The following SLC25A43 variants were observed in gnomAD, a reference collection of about 807,000 sequenced individuals.
SLC25A43 encodes the protein solute carrier family 25 member 43, also known as solute carrier family 25, member 43.
SLC25A43 carries 10 observed loss-of-function variants against 22.8 expected under a neutral mutation model. The observed-to-expected ratio is 0.44, with a 90% CI of 0.27 to 0.74. The LOEUF (loss-of-function observed/expected upper bound fraction) is 0.74, where lower values mean the gene tolerates loss of function less well. Among genes scored for constraint, SLC25A43 ranks in the 30% least tolerant of loss-of-function variants. The pLI, the probability that SLC25A43 is intolerant of heterozygous loss-of-function variation, is 0.17. For synonymous variants in SLC25A43, 106 were observed against 121.6 expected, an observed-to-expected ratio of 0.87 and a Z score of 0.84; for missense variants, 233 against 279.1, an observed-to-expected ratio of 0.83 and a Z score of 1.18.
At chrX:119,410,926 A>AT (rs981037536) in intron 3 of SLC25A43, among the ~76,000 whole-genome samples, 3 of 110,759 alleles carry the variant, frequency 2.7e-5, no homozygotes, top group African/African-American at 9.8e-5. Context: ...AAGAAAAAAA[A>AT]GAAGCCTCCA....
Position 119,410,313 on chromosome X carries a change from T to C in SLC25A43, c.641T>C (p.Val214Ala). 8.3e-7 allele frequency: 1 copy of C among 1,211,161 alleles called. No individual in the cohort carries two copies. Among genetic ancestry groups the C allele is most frequent in the Non-Finnish European group, 1.1e-6 (1 of 895,266 alleles). Residue 214 changes from valine (V) to alanine (A), a missense_variant, in exon 3 of 5, where the codon GTG becomes GCG. Coordinates refer to ENST00000217909, the MANE Select transcript of SLC25A43 (RefSeq NM_145305.3). ...GCTAATGTCTGTCTGGCTGCTGCAG[T>C]GACCCAGACCCTCTCCTTTCCCTTT... Reference protein sequence around the residue: ...NFANVCLAAAVTQTLSFPFET... With the variant: ...NFANVCLAAAATQTLSFPFET...
At chrX:119,435,360 G>T (rs1221817627) in intron 3 of SLC25A43, among the ~76,000 whole-genome samples, 2 of 109,000 alleles carry the variant, frequency 1.8e-5, no homozygotes, top group African/African-American at 6.7e-5. Context: ...CTACAATTCA[G>T]CCCTTTTTTA....
chrX:119,442,004 C>T (rs1311087576), intron 3 of SLC25A43, among the ~76,000 whole-genome samples: 6 of 111,378 alleles, frequency 5.4e-5, no homozygotes, highest in Admixed American at 9.6e-5. Flanking sequence ...GCAGGAGAAT[C>T]GCTTGAACCC....
rs764147639 is a variant in SLC25A43 at position 119,452,870 on chromosome X, T to A, written c.831T>A (p.Val277=). ...TTCATTTTTGGTTTTAACAGATAGT[T>A]CCATATTTTGGAATTATGTTTAGCA... ...NGLTANLLKI[V]PYFGIMFSTF... is the part of the protein sequence containing the mutation. Residue 277 remains valine (V), a synonymous_variant, in exon 5 of 5, where the codon GTT becomes GTA. Coordinates refer to ENST00000217909, the MANE Select transcript of SLC25A43 (RefSeq NM_145305.3). The A allele has an allele frequency of 2.3e-5, 28 of 1,204,919 alleles. No individual in the cohort carries two copies. Among genetic ancestry groups the A allele is most frequent in the Non-Finnish European group, 3.0e-5 (27 of 892,006 alleles).
intron 3 of SLC25A43, among the ~76,000 whole-genome samples, chrX:119,425,824 T>G (rs192293448): frequency 5.4e-5 from 6 of 110,440 alleles, no homozygotes; most frequent in African/African-American, 2.0e-4. Context: ...ACAAGACTTG[T>G]CCCTAGAGGG....
At chrX:119,443,748 TTA>T (rs2052643153) in intron 3 of SLC25A43, among the ~76,000 whole-genome samples, 1 of 106,951 alleles carries the variant, frequency 9.4e-6, no homozygotes, top group Non-Finnish European at 1.9e-5. Flanking sequence ...ATTTATTTAT[TTA>T]TTTTTATTTT....
chrX:119,404,287 C>T (rs768192852), intron 1 of SLC25A43, among the ~76,000 whole-genome samples: 4 of 112,051 alleles, frequency 3.6e-5, no homozygotes, highest in East Asian at 2.8e-4. Context: ...AGGCATGAGA[C>T]GCCATGCCTA....
rs1309330270 is a variant in SLC25A43, at chrX:119,399,571, G to A, written c.168G>A (p.Gly56=). The A allele has an allele frequency of 3.8e-6, 4 of 1,046,842 alleles. No homozygotes were observed. Among genetic ancestry groups the A allele is most frequent in the Admixed American group, 4.2e-5 (1 of 23,973 alleles). 86.3% of individuals were successfully genotyped at this position (1,046,842 alleles called of 1,213,427 possible). A position where few individuals can be genotyped will look rare whatever the true frequency, so the allele number is the denominator to read the frequency against. The change falls in exon 1 of 5, where the codon GGG becomes GGA. Residue 56 remains glycine (G), a synonymous_variant. Coordinates refer to ENST00000217909, the MANE Select transcript of SLC25A43 (RefSeq NM_145305.3). ...ACGCCCGGGGACCGTGGGCCACAGG[G>A]CACCGGGTGTGGCGGGCAGAGGGGC... ...RGHARGPWAT[G]HRVWRAEGLR... is the part of the protein sequence containing the mutation.
chrX:119,428,620 T>G (rs940387204), intron 3 of SLC25A43, among the ~76,000 whole-genome samples: 10 of 112,491 alleles, frequency 8.9e-5, no homozygotes, highest in Non-Finnish European at 1.7e-4. Context: ...GTACTAACAA[T>G]GCTGTAACAA....
At chrX:119,418,411 A>G (rs936720178) in intron 3 of SLC25A43, among the ~76,000 whole-genome samples, 5 of 111,988 alleles carry the variant, frequency 4.5e-5, no homozygotes, top group Non-Finnish European at 9.4e-5. Context: ...ACTGCCTGTC[A>G]TGAAGCAAAT....
At chrX:119,443,230 A>C (rs1170546867) in intron 3 of SLC25A43, among the ~76,000 whole-genome samples, 1 of 97,544 alleles carries the variant, frequency 1.0e-5, no homozygotes. Flanking sequence ...AGCGATTCTC[A>C]TGCCTCAGCC....
At chrX:119,442,047 G>A (rs1357499493) in intron 3 of SLC25A43, among the ~76,000 whole-genome samples, 1 of 110,889 alleles carries the variant, frequency 9.0e-6, no homozygotes, top group Non-Finnish European at 1.9e-5. Flanking sequence ...CCGAGATTGC[G>A]CCGCTGCACT....
chrX:119,410,760 G>T (rs2052343123), intron 3 of SLC25A43, among the ~76,000 whole-genome samples: 1 of 110,718 alleles, frequency 9.0e-6, no homozygotes, highest in Admixed American at 9.6e-5. Flanking sequence ...GTGGTGGCAG[G>T]CGCCTGTAAT....
chrX:119,407,251 G>A (rs1038543400), intron 2 of SLC25A43, among the ~76,000 whole-genome samples: 30 of 110,924 alleles, frequency 2.7e-4, no homozygotes, highest in African/African-American at 9.5e-4. Flanking sequence ...TGACTTATCC[G>A]GCCCATCTGG....
intron 3 of SLC25A43, among the ~76,000 whole-genome samples, chrX:119,435,457 CTTTTTTT>C (rs1175233726): frequency 0.035 from 1,924 of 54,626 alleles, 63 homozygotes; most frequent in African/African-American, 0.12. Context: ...AGATTTTATT[CTTTTTTT>C]TTTTTTTTTT....
At chrX:119,422,226 T>C (rs2052461184) in intron 3 of SLC25A43, among the ~76,000 whole-genome samples, 1 of 112,286 alleles carries the variant, frequency 8.9e-6, no homozygotes, top group African/African-American at 3.2e-5. Context: ...AATAACCCCT[T>C]TTAAATGATG....
At chrX:119,406,801 G>A (rs1362400988) in intron 2 of SLC25A43, 100 bp downstream of exon 2, 2 of 985,096 alleles carry the variant, frequency 2.0e-6, no homozygotes, top group Non-Finnish European at 2.7e-6. Flanking sequence ...GTTTTACTGA[G>A]ATCAAGGTTA....
At position 119,443,925 on chromosome X, in the gene SLC25A43, T is replaced by C. The variant is rs1048416813; in HGVS notation, c.691-8084T>C. ...ACATGCCATCATGCCCGGCTAATTT[T>C]TTTTTCTTTTGTAGAGATGAGGTTT... On this transcript the variant is annotated intron_variant, in intron 3 of 4. Coordinates refer to ENST00000217909, the MANE Select transcript of SLC25A43 (RefSeq NM_145305.3). Among the ~76,000 whole-genome samples the C allele has an allele frequency of 3.9e-4, 42 of 108,306 alleles. 1 individual carries two copies. The Admixed American group carries it at 4.1e-3, about 11-fold the overall frequency. The allele number at this position is 108,306 out of a possible 115,157, so 94.1% of individuals were successfully genotyped here.
chrX:119,411,154 C>T (rs1370821986), intron 3 of SLC25A43, among the ~76,000 whole-genome samples: 1 of 111,024 alleles, frequency 9.0e-6, no homozygotes, highest in East Asian at 2.9e-4. Flanking sequence ...CTGTAGCTAA[C>T]AAGGGTCCAG....
Sources: allele counts gnomAD v4.1 joint callset (sites outside exome capture counted in the v4.1 genomes callset), GRCh38; gene constraint gnomAD v4.1.1; transcripts MANE v1.5; gene names NCBI Gene and HGNC (gene_info 2026-07-23, HGNC 2026-07-21).